The following CREM variants were observed in gnomAD, a reference collection of about 807,000 sequenced individuals.
CREM encodes cAMP-responsive element modulator.
CREM carries 13 observed loss-of-function variants against 37.3 expected under a neutral mutation model. That is an observed-to-expected ratio of 0.35 (90% CI 0.23 to 0.55). The LOEUF (loss-of-function observed/expected upper bound fraction) is 0.55. CREM is among the 20% of genes least tolerant of loss of function. CREM has a pLI of 0.88. For synonymous variants in CREM, 124 were observed against 120.2 expected, an observed-to-expected ratio of 1.03 and a Z score of -0.21; for missense variants, 296 against 362.3, an observed-to-expected ratio of 0.82 and a Z score of 1.49.
At chr10:35,154,999 C>T (rs1589556280) in intron 3 of CREM, among the ~76,000 whole-genome samples, 1 of 152,060 alleles carries the variant, frequency 6.6e-6, no homozygotes, top group South Asian at 2.1e-4. Flanking sequence ...TTTATGTTTT[C>T]ATCCCAGTAG....
At chr10:35,171,552 A>C (rs796435968) in intron 3 of CREM, among the ~76,000 whole-genome samples, 8 of 152,344 alleles carry the variant, frequency 5.3e-5, no homozygotes, top group African/African-American at 1.9e-4. Flanking sequence ...ATTTATGCCT[A>C]TCAGATGCCC....
chr10:35,182,899 GGAGA>G (rs750304058), intron 5 of CREM, among the ~76,000 whole-genome samples: 3 of 152,222 alleles, frequency 2.0e-5, no homozygotes, highest in Non-Finnish European at 4.4e-5. Flanking sequence ...AGAGATGGCG[GGAGA>G]GAGACAGCCT....
At chr10:35,199,887 C>CTT (rs5784443) in intron 6 of CREM, among the ~76,000 whole-genome samples, 24,913 of 121,324 alleles carry the variant, frequency 0.21, 3,055 homozygotes, top group Non-Finnish European at 0.22. Flanking sequence ...GTTAAAATGG[C>CTT]TTTTTTTTTT....
At chr10:35,204,977 T>C (rs575802892) in intron 6 of CREM, among the ~76,000 whole-genome samples, 3 of 152,366 alleles carry the variant, frequency 2.0e-5, no homozygotes, top group Admixed American at 6.5e-5. Context: ...TGTTTTCCTC[T>C]TTTGATTGGA....
chr10:35,187,094 ATATATGATATAT>A (rs1564921081), intron 5 of CREM, among the ~76,000 whole-genome samples: 1 of 55,348 alleles, frequency 1.8e-5, no homozygotes, highest in East Asian at 4.4e-4. Context: ...AATATATAAT[ATATATGATATAT>A]ATTATATAAA....
At chr10:35,198,462 G>C (rs527540425) in intron 6 of CREM, among the ~76,000 whole-genome samples, 2 of 151,342 alleles carry the variant, frequency 1.3e-5, no homozygotes, top group East Asian at 3.9e-4. Context: ...GGCAGAGATT[G>C]CAATGAGCCA....
chr10:35,165,385 T>C (rs2093500040), intron 3 of CREM, among the ~76,000 whole-genome samples: 1 of 152,070 alleles, frequency 6.6e-6, no homozygotes, highest in Non-Finnish European at 1.5e-5. Flanking sequence ...AGGCCCCACC[T>C]CCAACATTGA....
chr10:35,149,930 A>ACACACACACG (rs1554890952), intron 3 of CREM, among the ~76,000 whole-genome samples: 13 of 149,278 alleles, frequency 8.7e-5, no homozygotes, highest in African/African-American at 3.2e-4. Context: ...ACACACACAC[A>ACACACACACG]CACACACACC....
At chr10:35,145,776 CAAAAAA>C (rs370248344) in intron 2 of CREM, among the ~76,000 whole-genome samples, 77 of 85,236 alleles carry the variant, frequency 9.0e-4, no homozygotes, top group South Asian at 1.9e-3. Flanking sequence ...GACTCTGCCT[CAAAAAA>C]AAAAAAAAAA....
At chr10:35,145,147 C>CAAGG (rs1389199167) in intron 2 of CREM, among the ~76,000 whole-genome samples, 32 of 113,352 alleles carry the variant, frequency 2.8e-4, no homozygotes, top group African/African-American at 1.1e-3. Context: ...GGTGACAGAG[C>CAAGG]AAGACACTGT....
chr10:35,137,963 C>T (rs1564794497), intron 2 of CREM, 84 bp downstream of exon 2: 3 of 977,722 alleles, frequency 3.1e-6, no homozygotes, highest in Non-Finnish European at 4.5e-6. Flanking sequence ...TATAGATGTA[C>T]ACATACATGT....
intron 1 of CREM, among the ~76,000 whole-genome samples, chr10:35,128,122 G>A (rs1564770746): frequency 1.3e-5 from 2 of 152,242 alleles, no homozygotes; most frequent in Non-Finnish European, 2.9e-5. Flanking sequence ...ACAGGCGTGA[G>A]CCGCCGCGCC....
At chr10:35,200,863 A>G (rs964637389) in intron 6 of CREM, among the ~76,000 whole-genome samples, 2 of 152,226 alleles carry the variant, frequency 1.3e-5, no homozygotes, top group African/African-American at 4.8e-5. Context: ...AGTACTACAG[A>G]TATCTTAATA....
At position 35,211,905 on chromosome 10, in the gene CREM, T is replaced by C; in HGVS notation, c.*507T>C. The C allele has an allele frequency of 4.3e-6, 5 of 1,153,266 alleles. No individual in the cohort carries two copies. Among genetic ancestry groups the C allele is most frequent in the Non-Finnish European group, 4.7e-6 (4 of 851,082 alleles). The allele number at this position is 1,153,266 out of a possible 1,614,324, so 71.4% of individuals were successfully genotyped here. ...TGGCTTCTTTTCTTTGTATCATTCA[T>C]CTTCTTCTTTAATCACTTAACATTC... On this transcript the variant is annotated 3_prime_UTR_variant, in exon 8 of 8. Coordinates refer to ENST00000685392, the MANE Select transcript of CREM (RefSeq NM_183011.2).
chr10:35,169,597 G>C (rs151168604), intron 3 of CREM, among the ~76,000 whole-genome samples: 2,252 of 152,150 alleles, frequency 0.015, 60 homozygotes, highest in African/African-American at 0.051. Flanking sequence ...TCTTTCTCCT[G>C]CCTGATTGCC....
At chr10:35,204,932 G>A (rs2095485432) in intron 6 of CREM, among the ~76,000 whole-genome samples, 2 of 151,940 alleles carry the variant, frequency 1.3e-5, no homozygotes, top group Admixed American at 6.6e-5. Flanking sequence ...TTATTCATTG[G>A]GTATAATACA....
intron 3 of CREM, chr10:35,176,075 C>CCTT: frequency 1.3e-6 from 2 of 1,492,642 alleles, no homozygotes; most frequent in South Asian, 2.7e-5. Flanking sequence ...ATTCATTTAT[C>CCTT]ATTTTTCTTT....
intron 1 of CREM, among the ~76,000 whole-genome samples, chr10:35,131,590 A>G (rs1458032103): frequency 6.6e-6 from 1 of 152,190 alleles, no homozygotes; most frequent in Admixed American, 6.5e-5. Context: ...GGTGCTTGGA[A>G]TGTTTTTACT....
chr10:35,192,422 C>T (rs575076335), intron 6 of CREM, among the ~76,000 whole-genome samples: 113 of 152,258 alleles, frequency 7.4e-4, no homozygotes, highest in African/African-American at 2.6e-3. Context: ...GATCTTAGCT[C>T]ACTGCAACCT....
Sources: gnomAD v4.1 joint callset for allele counts (sites outside exome capture counted in the v4.1 genomes callset) on GRCh38, gnomAD v4.1.1 for gene constraint, MANE v1.5 for transcripts, NCBI Gene and HGNC (gene_info 2026-07-23, HGNC 2026-07-21) for gene names.